PABPC4L: variants seen among roughly 807,000 people sequenced by gnomAD.
The protein encoded by PABPC4L is poly(A) binding protein cytoplasmic 4 like.
For synonymous variants in PABPC4L, 169 were observed against 164.1 expected, an observed-to-expected ratio of 1.03 and a Z score of -0.23; for missense variants, 452 against 451.4, an observed-to-expected ratio of 1.00 and a Z score of -0.01.
At chr4:134,016,829 C>T in the PABPC4L span, among the ~76,000 whole-genome samples, 1 of 152,256 alleles carries the variant, frequency 6.6e-6, no homozygotes, top group African/African-American at 2.4e-5. Context: ...TACTACCCCT[C>T]AGGGATTGTC....
At chr4:134,038,387 A>G in the PABPC4L span, among the ~76,000 whole-genome samples, 148 of 152,262 alleles carry the variant, frequency 9.7e-4, no homozygotes, top group African/African-American at 3.4e-3. Flanking sequence ...GAATAGTTTC[A>G]GGAGGAATGG....
chr4:134,040,359 G>T, the PABPC4L span, among the ~76,000 whole-genome samples: 1 of 151,982 alleles, frequency 6.6e-6, no homozygotes, highest in Admixed American at 6.6e-5. Context: ...AAACAGCATG[G>T]TACTGGTACC....
chr4:133,993,234 T>G, the PABPC4L span, among the ~76,000 whole-genome samples: 1 of 152,154 alleles, frequency 6.6e-6, no homozygotes, highest in East Asian at 1.9e-4. Context: ...ATATTCCCCC[T>G]TTTTTGTTTT....
the PABPC4L span, among the ~76,000 whole-genome samples, chr4:134,087,717 A>G: frequency 4.6e-5 from 7 of 152,150 alleles, no homozygotes; most frequent in South Asian, 1.0e-3. Context: ...TTACCTCTAC[A>G]GAGACTTCCT....
the PABPC4L span, among the ~76,000 whole-genome samples, chr4:134,045,830 A>T: frequency 6.6e-6 from 1 of 152,164 alleles, no homozygotes; most frequent in Admixed American, 6.6e-5. Flanking sequence ...TTGCTAAGAG[A>T]GCATACTGAC....
the PABPC4L span, among the ~76,000 whole-genome samples, chr4:134,071,047 C>A: frequency 6.6e-6 from 1 of 152,104 alleles, no homozygotes; most frequent in African/African-American, 2.4e-5. Context: ...GAGTACTGTT[C>A]CTGCCACCTC....
the PABPC4L span, among the ~76,000 whole-genome samples, chr4:133,995,249 G>A: frequency 1.3e-5 from 2 of 152,082 alleles, no homozygotes; most frequent in East Asian, 3.9e-4. Context: ...CGTTACCTTG[G>A]TCTCTACTAT....
At chr4:134,177,863 G>A in the PABPC4L span, among the ~76,000 whole-genome samples, 2 of 151,868 alleles carry the variant, frequency 1.3e-5, no homozygotes, top group African/African-American at 4.8e-5. Flanking sequence ...CAGAGTGCAG[G>A]GCTCATGACC....
the PABPC4L span, among the ~76,000 whole-genome samples, chr4:134,102,850 G>T: frequency 2.6e-5 from 4 of 151,164 alleles, no homozygotes; most frequent in African/African-American, 9.7e-5. Flanking sequence ...ATGTTTATAA[G>T]TACATGTAAA....
the PABPC4L span, among the ~76,000 whole-genome samples, chr4:134,064,358 T>G: frequency 2.6e-5 from 4 of 152,080 alleles, no homozygotes; most frequent in African/African-American, 4.8e-5. Flanking sequence ...ATTTTTAAAA[T>G]GTAATTAGAC....
At chr4:134,138,596 A>G in the PABPC4L span, among the ~76,000 whole-genome samples, 2 of 151,698 alleles carry the variant, frequency 1.3e-5, no homozygotes, top group African/African-American at 2.4e-5. Flanking sequence ...TCTAGAATTC[A>G]CTGCTTTAGA....
At chr4:134,151,086 G>A in the PABPC4L span, among the ~76,000 whole-genome samples, 127 of 152,206 alleles carry the variant, frequency 8.3e-4, no homozygotes, top group Middle Eastern at 3.4e-3. Flanking sequence ...GTAGCCAGAA[G>A]TATAGTATTG....
chr4:134,147,423 T>G, the PABPC4L span, among the ~76,000 whole-genome samples: 1 of 152,140 alleles, frequency 6.6e-6, no homozygotes, highest in East Asian at 1.9e-4. Context: ...ACAAAAACTA[T>G]GAAAAAAATT....
the PABPC4L span, among the ~76,000 whole-genome samples, chr4:133,998,149 C>A: frequency 4.6e-5 from 7 of 151,488 alleles, no homozygotes; most frequent in South Asian, 4.2e-4. Context: ...TATTTGAAAC[C>A]TTTTCCTATC....
At chr4:134,134,521 A>G in the PABPC4L span, among the ~76,000 whole-genome samples, 2 of 151,864 alleles carry the variant, frequency 1.3e-5, no homozygotes, top group African/African-American at 4.8e-5. Flanking sequence ...ACTCTTAAAT[A>G]AAATCTTAAG....
the PABPC4L span, among the ~76,000 whole-genome samples, chr4:133,957,657 G>C: frequency 6.6e-6 from 1 of 152,166 alleles, no homozygotes; most frequent in Non-Finnish European, 1.5e-5. Flanking sequence ...TTCTCCATGA[G>C]GGATGCACCC....
At chr4:134,188,948 C>T in the PABPC4L span, among the ~76,000 whole-genome samples, 1 of 151,942 alleles carries the variant, frequency 6.6e-6, no homozygotes, top group Non-Finnish European at 1.5e-5. Context: ...GTTACACCTT[C>T]TGTAGTCCCA....
the PABPC4L span, among the ~76,000 whole-genome samples, chr4:134,067,417 CT>C: frequency 2.4e-3 from 360 of 152,010 alleles, 2 homozygotes; most frequent in Non-Finnish European, 4.3e-3. Flanking sequence ...GATCTTCTTT[CT>C]TTTTTCTTTA....
chr4:134,139,287 C>G, the PABPC4L span, among the ~76,000 whole-genome samples: 1 of 151,940 alleles, frequency 6.6e-6, no homozygotes, highest in Non-Finnish European at 1.5e-5. Flanking sequence ...AATTTCCAAG[C>G]AGCCACTTTC....
Sources: allele counts gnomAD v4.1 joint callset (sites outside exome capture counted in the v4.1 genomes callset), GRCh38; gene constraint gnomAD v4.1.1; transcripts MANE v1.5; gene names NCBI Gene and HGNC (gene_info 2026-07-23, HGNC 2026-07-21).